Variants in TRAF3 observed in about 807,000 individuals in gnomAD.
The protein encoded by TRAF3 is TNF receptor-associated factor 3.
A neutral mutation model predicts 62.3 loss-of-function variants in TRAF3; 13 were observed. The observed-to-expected ratio is 0.21, with a 90% CI of 0.14 to 0.33. TRAF3 has a LOEUF of 0.33. TRAF3 is among the 10% of genes least tolerant of loss of function. The probability of loss-of-function intolerance (pLI) is 1.00; values close to 1 mark genes in which losing one functional copy is unlikely to be tolerated. For missense variants in TRAF3, 440 were observed against 741.8 expected, an observed-to-expected ratio of 0.59 and a Z score of 4.73; for synonymous variants, 269 against 283.4, an observed-to-expected ratio of 0.95 and a Z score of 0.51.
At chr14:102,845,224 A>G (rs1886626187) in intron 2 of TRAF3, among the ~76,000 whole-genome samples, 1 of 146,298 alleles carries the variant, frequency 6.8e-6, no homozygotes, top group South Asian at 2.1e-4. Flanking sequence ...TTTTTTTGAG[A>G]TGGAGTCTCA....
chr14:102,801,599 A>G (rs546212631), intron 1 of TRAF3, among the ~76,000 whole-genome samples: 169 of 152,152 alleles, frequency 1.1e-3, no homozygotes, highest in Non-Finnish European at 2.0e-3. Flanking sequence ...CAGTAGTACA[A>G]TCACAGCTCA....
chr14:102,879,677 T>C (rs959476904), intron 6 of TRAF3, among the ~76,000 whole-genome samples: 1 of 150,128 alleles, frequency 6.7e-6, no homozygotes, highest in Admixed American at 6.6e-5. Flanking sequence ...TTAAAAGTAA[T>C]GGCAAAAACG....
chr14:102,888,592 C>T (rs1889536856), intron 7 of TRAF3, among the ~76,000 whole-genome samples: 1 of 152,186 alleles, frequency 6.6e-6, no homozygotes, highest in Non-Finnish European at 1.5e-5. Context: ...CATGCTGGCA[C>T]ACAGAAGAAC....
intron 2 of TRAF3, among the ~76,000 whole-genome samples, chr14:102,859,290 A>G (rs901301992): frequency 3.3e-5 from 5 of 152,058 alleles, no homozygotes; most frequent in African/African-American, 4.8e-5. Context: ...CTGTTTTTCC[A>G]GTAGTCTCAA....
intron 6 of TRAF3, 23 bp downstream of exon 6, chr14:102,876,548 G>A (rs1298712206): frequency 1.2e-6 from 2 of 1,611,000 alleles, no homozygotes; most frequent in Admixed American, 1.7e-5. Flanking sequence ...CCATTCCACA[G>A]GCCTTCCACT....
In TRAF3 at chr14:102,870,243, G is replaced by C. The variant is rs1013802030; in HGVS notation, c.42G>C (p.Gln14His). 1.2e-5 allele frequency: 20 copies of C among 1,614,016 alleles called. No individual in the cohort carries two copies. The African/African-American group carries it at 1.9e-4, about 15-fold the overall frequency. Reference sequence around the variant, plus strand: ...AGATGGACTCTCCTGGCGCGCTGCAGACTAACCCGCCGCTAAAGCTGCACA... The same window carrying C: ...AGATGGACTCTCCTGGCGCGCTGCACACTAACCCGCCGCTAAAGCTGCACA... ...SKKMDSPGAL[Q>H]TNPPLKLHTD... Residue 14 changes from glutamine (Q) to histidine (H), a missense_variant, in exon 3 of 12, where the codon CAG becomes CAC. Gln to His is a conservative substitution (Grantham distance 24). This residue lies in a region of TRAF3 where 40 missense variants were observed against 38.3 expected (regional missense o/e 1.05). Coordinates refer to ENST00000392745, the MANE Select transcript of TRAF3 (RefSeq NM_145725.3).
intron 7 of TRAF3, among the ~76,000 whole-genome samples, chr14:102,888,055 A>C (rs973451257): frequency 1.9e-4 from 29 of 152,198 alleles, no homozygotes; most frequent in African/African-American, 6.3e-4. Context: ...AAAAAGACCC[A>C]ACACCGAATT....
At chr14:102,871,848 C>A in intron 3 of TRAF3, 69 bp from the exon 4 acceptor site, 1 of 1,481,218 alleles carries the variant, frequency 6.8e-7, no homozygotes, top group Non-Finnish European at 9.4e-7. Flanking sequence ...GTGAATGCTC[C>A]CAGAATCTCC....
chr14:102,846,167 A>G (rs1886709906), intron 2 of TRAF3, among the ~76,000 whole-genome samples: 1 of 152,126 alleles, frequency 6.6e-6, no homozygotes, highest in African/African-American at 2.4e-5. Context: ...GCTAGCAATC[A>G]TACTTCTAGG....
chr14:102,811,359 G>A (rs1899124147), intron 1 of TRAF3, among the ~76,000 whole-genome samples: 2 of 151,202 alleles, frequency 1.3e-5, no homozygotes, highest in African/African-American at 4.9e-5. Flanking sequence ...GAGTGCAGTG[G>A]CTATTCACAG....
At chr14:102,838,747 C>T (rs980274546) in intron 2 of TRAF3, among the ~76,000 whole-genome samples, 8 of 152,114 alleles carry the variant, frequency 5.3e-5, no homozygotes, top group African/African-American at 1.7e-4. Context: ...AGGGTCTACT[C>T]ACACCCAGAG....
At chr14:102,851,561 G>T (rs1481682781) in intron 2 of TRAF3, among the ~76,000 whole-genome samples, 1 of 152,176 alleles carries the variant, frequency 6.6e-6, no homozygotes, top group East Asian at 1.9e-4. Flanking sequence ...TGGCCAAGAT[G>T]GTGAAAGCCC....
At chr14:102,813,880 T>C (rs1340778042) in intron 1 of TRAF3, among the ~76,000 whole-genome samples, 1 of 152,230 alleles carries the variant, frequency 6.6e-6, no homozygotes, top group African/African-American at 2.4e-5. Context: ...CTTTTCATTC[T>C]ATTGTTTCCT....
intron 2 of TRAF3, among the ~76,000 whole-genome samples, chr14:102,847,825 A>G (rs575033391): frequency 2.6e-5 from 4 of 152,286 alleles, no homozygotes; most frequent in South Asian, 2.1e-4. Context: ...TTGACTTTCT[A>G]TATACATGGC....
chr14:102,862,392 T>A (rs1269278787), intron 2 of TRAF3, among the ~76,000 whole-genome samples: 1 of 122,260 alleles, frequency 8.2e-6, no homozygotes, highest in Non-Finnish European at 1.6e-5. Flanking sequence ...CAGAGTAAGA[T>A]CCCTTCTCCA....
At chr14:102,827,105 C>T (rs886090176) in intron 1 of TRAF3, among the ~76,000 whole-genome samples, 2 of 152,198 alleles carry the variant, frequency 1.3e-5, no homozygotes, top group Non-Finnish European at 1.5e-5. Context: ...GGTGTTCTCC[C>T]CCTGGCCCTC....
At chr14:102,902,037 C>A (rs1162769626) in intron 10 of TRAF3, among the ~76,000 whole-genome samples, 1 of 152,260 alleles carries the variant, frequency 6.6e-6, no homozygotes, top group Non-Finnish European at 1.5e-5. Context: ...GGTGGACACT[C>A]CAGCCCCTTA....
At chr14:102,900,431 G>A (rs1031137890) in intron 10 of TRAF3, among the ~76,000 whole-genome samples, 2 of 152,234 alleles carry the variant, frequency 1.3e-5, no homozygotes, top group Non-Finnish European at 2.9e-5. Flanking sequence ...AACCCAGGCG[G>A]CAGAGGTTGC....
chr14:102,856,368 C>T (rs1359299779), intron 2 of TRAF3, among the ~76,000 whole-genome samples: 1 of 152,100 alleles, frequency 6.6e-6, no homozygotes, highest in Non-Finnish European at 1.5e-5. Context: ...GAGGGTTTCT[C>T]CCCTTTGTAG....
Sources: allele counts gnomAD v4.1 joint callset (sites outside exome capture counted in the v4.1 genomes callset), GRCh38; gene constraint gnomAD v4.1.1; regional missense constraint gnomAD v4.1.1; transcripts MANE v1.5; gene names NCBI Gene and HGNC (gene_info 2026-07-23, HGNC 2026-07-21).